SLC35E1: variants seen among roughly 807,000 people sequenced by gnomAD.
The protein encoded by SLC35E1 is solute carrier family 35, member E1.
Under a neutral mutation model 31.0 loss-of-function variants are expected in SLC35E1, and 12 were observed. The observed-to-expected ratio is 0.39, with a 90% confidence interval of 0.25 to 0.63. The LOEUF is 0.63. Ranked by LOEUF, SLC35E1 falls within the 20% of genes least tolerant of loss-of-function variation. SLC35E1 has a pLI of 0.52. For missense variants in SLC35E1, 429 were observed against 572.2 expected, an observed-to-expected ratio of 0.75 and a Z score of 2.55; for synonymous variants, 257 against 264.1, an observed-to-expected ratio of 0.97 and a Z score of 0.26.
rs984010174 is a variant in SLC35E1 at position 16,555,393 on chromosome 19, T to G, written c.761A>C (p.Tyr254Ser). The change falls in exon 5 of 6, where the codon TAC (tyrosine) becomes TCC (serine). Residue 254 changes from tyrosine (Y) to serine (S), a missense_variant. Transcript: ENST00000595753. This position sits in a 1 kb window ranked among gnomAD's most constrained non-coding sequence, Gnocchi z 4.1. The stretch of plus-strand genomic sequence containing the variant: ...GAGCGTCCAGGGCCACTGGTAGACG[T>G]AGGTCTGCAGAGACCGGAAGGTAAA... ...SAFLVSSDLT[Y>S]VYQWPWTLLL... The G allele has an allele frequency of 8.1e-6, 13 of 1,613,378 alleles. No individual in the cohort carries two copies. In the South Asian group the frequency reaches 1.4e-4, roughly 18 times the overall value.
At chr19:16,562,343 G>A (rs1209285127) in intron 4 of SLC35E1, among the ~76,000 whole-genome samples, 1 of 152,176 alleles carries the variant, frequency 6.6e-6, no homozygotes, top group Non-Finnish European at 1.5e-5. Context: ...GTTATGAAGA[G>A]CTCTCTGGGA....
At chr19:16,568,237 C>T in intron 2 of SLC35E1, 68 bp from the exon 3 acceptor site, 1 of 1,509,220 alleles carries the variant, frequency 6.6e-7, no homozygotes, top group Non-Finnish European at 8.8e-7. Context: ...CCACAGATGC[C>T]CAGGGAAGAG....
intron 5 of SLC35E1, among the ~76,000 whole-genome samples, chr19:16,554,269 A>G (rs931961313): frequency 2.7e-5 from 4 of 147,302 alleles, no homozygotes; most frequent in African/African-American, 7.5e-5. Context: ...CTGTCTCAGA[A>G]AAAAAAAAAA....
Position 16,572,158 on chromosome 19 carries a change from C to A in SLC35E1, c.207G>T (p.Leu69=). 2 of 1,519,470 alleles carry A rather than the reference C, an allele frequency of 1.3e-6. No homozygotes were observed. Among genetic ancestry groups the A allele is most frequent in the Non-Finnish European group, 1.8e-6 (2 of 1,133,942 alleles). 94.1% of individuals were successfully genotyped at this position (1,519,470 alleles called of 1,614,324 possible). Reference sequence around the variant, plus strand: ...GCAGCAGCGGCGGGAGCCCAGCGCACAGAGCCAGGATGTGGCACAGCGACA... The same window carrying A: ...GCAGCAGCGGCGGGAGCCCAGCGCAAAGAGCCAGGATGTGGCACAGCGACA... ...VTVSLCHILA[L]CAGLPPLLRA... The change falls in exon 1 of 6, where the codon CTG becomes CTT. Residue 69 remains leucine, a synonymous_variant. Transcript: ENST00000595753. This position sits in a 1 kb window ranked among gnomAD's most constrained non-coding sequence, Gnocchi z 4.1.
At chr19:16,566,378 C>T (rs568476357) in intron 4 of SLC35E1, 154 bp downstream of exon 4, 48 of 950,660 alleles carry the variant, frequency 5.0e-5, no homozygotes, top group Admixed American at 3.2e-4. Context: ...GCATCGTCAC[C>T]GTGAGGCATT....
chr19:16,561,096 C>G (rs575408732), intron 4 of SLC35E1, among the ~76,000 whole-genome samples: 1 of 149,438 alleles, frequency 6.7e-6, no homozygotes, highest in South Asian at 2.1e-4. Flanking sequence ...TGCCTGTAAT[C>G]CCAGCTATAT....
rs139085196 is a variant in SLC35E1 at position 16,553,530 on chromosome 19, C to G, written c.*149G>C. 5.9e-6 allele frequency: 4 copies of G among 679,914 alleles called. No homozygotes were observed. The highest frequency in any genetic ancestry group is 8.9e-6 in the Non-Finnish European group (4 of 448,504). The allele number at this position is 679,914 out of a possible 1,614,324, so 42.1% of individuals were successfully genotyped here. Reference sequence around the variant, plus strand: ...AGGCAACGCATCCTCCTGCGGCTCACGGGGGGCCAGGAACCCCAGGGCTTC... The same window carrying G: ...AGGCAACGCATCCTCCTGCGGCTCAGGGGGGGCCAGGAACCCCAGGGCTTC... On this transcript the variant is annotated 3_prime_UTR_variant, in exon 6 of 6. Coordinates refer to ENST00000595753, the MANE Select transcript of SLC35E1 (RefSeq NM_024881.5).
chr19:16,557,085 C>G, intron 4 of SLC35E1: 1 of 416,892 alleles, frequency 2.4e-6, no homozygotes, highest in Admixed American at 2.7e-5. Flanking sequence ...TTTCTTCCTG[C>G]TTGCATAGAT....
chr19:16,571,435 C>T, intron 2 of SLC35E1, 77 bp downstream of exon 2: 1 of 1,504,752 alleles, frequency 6.6e-7, no homozygotes, highest in Non-Finnish European at 9.2e-7. Context: ...GACCAGGATC[C>T]TGACCACGTC....
At position 16,555,275 on chromosome 19, in the gene SLC35E1, G is replaced by A. The variant is rs769622391; in HGVS notation, c.879C>T (p.Val293=). The A allele has an allele frequency of 3.1e-6, 5 of 1,614,052 alleles. No individual in the cohort carries two copies. The highest frequency in any genetic ancestry group is 3.4e-6 in the Non-Finnish European group (4 of 1,180,046). The change falls in exon 5 of 6, where the codon GTC becomes GTT. Residue 293 remains valine (V), a synonymous_variant. Coordinates refer to ENST00000595753, the MANE Select transcript of SLC35E1 (RefSeq NM_024881.5). The surrounding 1 kb of genome is among the most constrained non-coding windows in gnomAD (Gnocchi z 4.1). ...CCATGATTCTTTTGGTGGCATTGGC[G>A]ACCGAGTAGCTCAGGGGGCTAACGA... ...LNLVSPLSYS[V]ANATKRIMVI... is the part of the protein sequence containing the mutation.
chr19:16,571,427 C>T (rs2085957592), intron 2 of SLC35E1, 85 bp downstream of exon 2: 2 of 1,444,786 alleles, frequency 1.4e-6, no homozygotes, highest in Non-Finnish European at 1.9e-6. Flanking sequence ...AGCCTGCAGA[C>T]CAGGATCCTG....
At chr19:16,557,921 C>T (rs1164122300) in intron 4 of SLC35E1, among the ~76,000 whole-genome samples, 4 of 152,220 alleles carry the variant, frequency 2.6e-5, no homozygotes, top group Non-Finnish European at 4.4e-5. Flanking sequence ...TCACGCCATT[C>T]TCCTGCCTCA....
chr19:16,561,243 A>AAAAAAAAAAG (rs2085905007), intron 4 of SLC35E1, among the ~76,000 whole-genome samples: 3 of 115,462 alleles, frequency 2.6e-5, no homozygotes, highest in African/African-American at 9.4e-5. Flanking sequence ...AAAAAAAAAA[A>AAAAAAAAAAG]GAAAGAAAAG....
intron 4 of SLC35E1, among the ~76,000 whole-genome samples, chr19:16,558,051 GT>G (rs970636634): frequency 3.4e-5 from 5 of 147,418 alleles, no homozygotes; most frequent in African/African-American, 5.0e-5. Flanking sequence ...TTTTGTTTTT[GT>G]TTTTTTTTGA....
rs914889329 is a variant in SLC35E1, at chr19:16,552,675, G to A, written c.*1004C>T. ...AACGTTTACAAACAAAAAGATTTTC[G>A]ATGCATAGGCCAGTCCTAATGCATC... is the stretch of plus-strand genomic sequence containing the variant. On this transcript the variant is annotated 3_prime_UTR_variant, in exon 6 of 6. Transcript: ENST00000595753. 6.6e-6 allele frequency: 1 copy of A among 152,040 alleles called. No individual in the cohort carries two copies. The highest frequency in any genetic ancestry group is 1.5e-5 in the Non-Finnish European group (1 of 68,030). 9.4% of individuals were successfully genotyped at this position (152,040 alleles called of 1,614,324 possible). A position where few individuals can be genotyped will look rare whatever the true frequency, so the allele number is the denominator to read the frequency against.
At chr19:16,566,411 C>A in intron 4 of SLC35E1, 121 bp downstream of exon 4, 1 of 1,369,986 alleles carries the variant, frequency 7.3e-7, no homozygotes. Flanking sequence ...CTGCTGAAAG[C>A]GCTGGCTGTC....
At chr19:16,557,028 TC>T in intron 4 of SLC35E1, 1 of 470,370 alleles carries the variant, frequency 2.1e-6, no homozygotes, top group Non-Finnish European at 4.4e-6. Context: ...CAGCCTGTTC[TC>T]CCAGGGGTCG....
chr19:16,563,316 C>T (rs1026017131), intron 4 of SLC35E1, among the ~76,000 whole-genome samples: 14 of 150,900 alleles, frequency 9.3e-5, no homozygotes, highest in Admixed American at 2.0e-4. Context: ...AGAAAAACTC[C>T]GTCTCAAAAA....
chr19:16,562,236 T>C (rs1348883411), intron 4 of SLC35E1, among the ~76,000 whole-genome samples: 2 of 152,164 alleles, frequency 1.3e-5, no homozygotes, highest in Admixed American at 6.5e-5. Flanking sequence ...ACATACATAC[T>C]CTAATGAGCT....
Sources: allele counts gnomAD v4.1 joint callset (sites outside exome capture counted in the v4.1 genomes callset), GRCh38; gene constraint gnomAD v4.1.1; non-coding constraint Gnocchi (gnomAD v3.1); transcripts MANE v1.5; gene names NCBI Gene and HGNC (gene_info 2026-07-23, HGNC 2026-07-21).